The following PPP2R2B variants were observed in gnomAD, a reference collection of about 807,000 sequenced individuals.
The protein encoded by PPP2R2B is serine/threonine-protein phosphatase 2A 55 kDa regulatory subunit B beta isoform.
PPP2R2B carries 5 observed loss-of-function variants against 46.0 expected under a neutral mutation model. That is an observed-to-expected ratio of 0.11 (90% CI 0.06 to 0.23). The LOEUF (loss-of-function observed/expected upper bound fraction) is 0.23. Among genes scored for constraint, PPP2R2B ranks in the 10% least tolerant of loss-of-function variants. The pLI is 1.00. For missense variants in PPP2R2B, 367 were observed against 575.0 expected (o/e 0.64, Z 3.70); for synonymous variants, 215 against 206.7 (o/e 1.04, Z -0.34).
chr5:146,802,285 C>T (rs1346038963), intron 2 of PPP2R2B, among the ~76,000 whole-genome samples: 2 of 152,144 alleles, frequency 1.3e-5, no homozygotes, highest in Non-Finnish European at 2.9e-5. Context: ...TAGGTCAGTA[C>T]CTAACATCTG....
intron 2 of PPP2R2B, among the ~76,000 whole-genome samples, chr5:147,067,553 A>G (rs2151909746): frequency 6.6e-6 from 1 of 152,058 alleles, no homozygotes; most frequent in South Asian, 2.1e-4. Flanking sequence ...TCAGAGAGAG[A>G]CTCTAATCCC....
chr5:146,751,287 CG>C, intron 2 of PPP2R2B: 1 of 152,304 alleles, frequency 6.6e-6, no homozygotes, highest in Middle Eastern at 3.4e-3. Context: ...CAGAACATAG[CG>C]GGGAAGAGGT....
chr5:147,025,233 A>G (rs191936801), intron 1 of PPP2R2B, among the ~76,000 whole-genome samples: 1 of 152,204 alleles, frequency 6.6e-6, no homozygotes, highest in Admixed American at 6.5e-5. Context: ...TATGTAAAGA[A>G]TCTGAAAATT....
At chr5:146,957,301 A>G (rs558664035) in intron 1 of PPP2R2B, among the ~76,000 whole-genome samples, 15 of 152,358 alleles carry the variant, frequency 9.8e-5, no homozygotes, top group Non-Finnish European at 1.2e-4. Context: ...CTACATTTGC[A>G]TAAGCATCCC....
At position 146,700,529 on chromosome 5, in the gene PPP2R2B, A is replaced by G. The variant is rs879903420; in HGVS notation, c.168+516T>C. 3.1e-4 allele frequency among the ~76,000 whole-genome samples: 47 copies of G among 152,132 alleles called. 1 individual carries two copies. The highest frequency in any genetic ancestry group is 1.2e-3 in the Admixed American group (18 of 15,282). ...AGGGCCCTCTGTGTCACCTACAGTG[A>G]TACTGTGATGTGTGTCATAAGCTTT... On this transcript the variant is annotated intron_variant, in intron 3 of 9. Transcript: ENST00000394411.
intron 3 of PPP2R2B, among the ~76,000 whole-genome samples, chr5:146,698,615 A>T (rs77648487): frequency 0.02 from 3,039 of 152,012 alleles, 89 homozygotes; most frequent in African/African-American, 0.068. Context: ...TTAAGATCTC[A>T]CCTGATTCTC....
intron 2 of PPP2R2B, among the ~76,000 whole-genome samples, chr5:146,844,703 C>T (rs377464524): frequency 1.1e-4 from 16 of 152,336 alleles, no homozygotes; most frequent in African/African-American, 3.8e-4. Flanking sequence ...TCAACAAAGC[C>T]AGCTGGGTTT....
At chr5:146,707,235 C>T (rs1034313327) in intron 2 of PPP2R2B, 4 of 1,587,660 alleles carry the variant, frequency 2.5e-6, no homozygotes, top group African/African-American at 1.3e-5. Flanking sequence ...TCTGCTGCTG[C>T]AGGAGGCTCC....
At chr5:146,956,082 G>C (rs1751890161) in intron 1 of PPP2R2B, among the ~76,000 whole-genome samples, 1 of 151,880 alleles carries the variant, frequency 6.6e-6, no homozygotes, top group Non-Finnish European at 1.5e-5. Flanking sequence ...TGGCCCAATA[G>C]TCTTCTTTCT....
intron 1 of PPP2R2B, among the ~76,000 whole-genome samples, chr5:146,939,302 C>G (rs1389581507): frequency 6.6e-6 from 1 of 152,102 alleles, no homozygotes; most frequent in Admixed American, 6.6e-5. Flanking sequence ...CTCAGGGTAC[C>G]AGAGGGTCTG....
intron 2 of PPP2R2B, among the ~76,000 whole-genome samples, chr5:146,760,529 G>A (rs1180450468): frequency 6.6e-6 from 1 of 152,146 alleles, no homozygotes; most frequent in Non-Finnish European, 1.5e-5. Flanking sequence ...GATGTGAGGT[G>A]ATAAGACTGT....
At chr5:147,027,876 A>G (rs1018859444) in intron 1 of PPP2R2B, among the ~76,000 whole-genome samples, 1 of 152,152 alleles carries the variant, frequency 6.6e-6, no homozygotes, top group African/African-American at 2.4e-5. Context: ...ACTTTCAATT[A>G]TTGGTGCTTA....
chr5:146,589,895 CTTGT>C lies in PPP2R2B; in HGVS notation c.*48_*51del. 1 of 1,537,716 alleles carries C rather than the reference CTTGT, an allele frequency of 6.5e-7. No homozygotes were observed. Among genetic ancestry groups the C allele is most frequent in the Admixed American group, 1.8e-5 (1 of 56,852 alleles). ...GAAGACCCAAAGAAACATTTAAAAA[CTTGT>C]TTGACTAGTATTCAGTATGTGAGAT... On this transcript the variant is annotated 3_prime_UTR_variant, in exon 10 of 10. Coordinates refer to ENST00000394411, the MANE Select transcript of PPP2R2B (RefSeq NM_181675.4).
chr5:146,976,016 G>A (rs1378243090), intron 1 of PPP2R2B, among the ~76,000 whole-genome samples: 1 of 151,218 alleles, frequency 6.6e-6, no homozygotes, highest in Non-Finnish European at 1.5e-5. Context: ...TGTTTCCTGT[G>A]CCTGGTATCA....
intron 7 of PPP2R2B, among the ~76,000 whole-genome samples, chr5:146,617,305 A>G (rs1031460360): frequency 3.3e-5 from 5 of 152,234 alleles, no homozygotes; most frequent in Admixed American, 1.3e-4. Context: ...TGATAGCACA[A>G]CAGGGTGATT....
At chr5:146,731,538 AACTG>A (rs1752230806) in intron 2 of PPP2R2B, among the ~76,000 whole-genome samples, 1 of 152,204 alleles carries the variant, frequency 6.6e-6, no homozygotes, top group Non-Finnish European at 1.5e-5. Flanking sequence ...CGTAGAGTTT[AACTG>A]ACTAATTAAG....
chr5:146,936,121 C>CTTTTGCACTTTATGTCA, intron 1 of PPP2R2B, among the ~76,000 whole-genome samples: 1 of 152,116 alleles, frequency 6.6e-6, no homozygotes, highest in African/African-American at 2.4e-5. Context: ...AGCTCTGCTG[C>CTTTTGCACTTTATGTCA]CATCAGTTTA....
At chr5:146,873,280 C>T (rs552473359) in intron 2 of PPP2R2B, among the ~76,000 whole-genome samples, 2 of 152,132 alleles carry the variant, frequency 1.3e-5, no homozygotes, top group South Asian at 2.1e-4. Flanking sequence ...TCTACTGATG[C>T]CACCATCCTG....
chr5:146,721,854 A>G (rs1259370827), intron 2 of PPP2R2B, among the ~76,000 whole-genome samples: 1 of 152,226 alleles, frequency 6.6e-6, no homozygotes, highest in Non-Finnish European at 1.5e-5. Flanking sequence ...CTGCTCTCCC[A>G]TTCTCATAGA....
Sources: gnomAD v4.1 joint callset for allele counts (sites outside exome capture counted in the v4.1 genomes callset) on GRCh38, gnomAD v4.1.1 for gene constraint, MANE v1.5 for transcripts, NCBI Gene and HGNC (gene_info 2026-07-23, HGNC 2026-07-21) for gene names.